Variants in CDH22 observed in about 807,000 individuals in gnomAD.
CDH22 encodes the protein cadherin-22.
In CDH22, 30 loss-of-function variants were observed where a neutral mutation model predicts 58.4. That is an observed-to-expected ratio of 0.51 (90% confidence interval 0.38 to 0.70). The LOEUF is 0.70. CDH22 is among the 30% of genes least tolerant of loss of function. The pLI is 0.00. For synonymous variants in CDH22, 513 were observed against 558.2 expected, an observed-to-expected ratio of 0.92 and a Z score of 1.14; for missense variants, 1,014 against 1,233.9, an observed-to-expected ratio of 0.82 and a Z score of 2.67.
At chr20:46,176,345 C>A in intron 11 of CDH22, among the ~76,000 whole-genome samples, 1 of 152,234 alleles carries the variant, frequency 6.6e-6, no homozygotes, top group Non-Finnish European at 1.5e-5. Flanking sequence ...AAGCGAATCT[C>A]AAACTTAACA....
chr20:46,237,945 G>C (rs541578053), intron 3 of CDH22, among the ~76,000 whole-genome samples: 1 of 152,186 alleles, frequency 6.6e-6, no homozygotes, highest in East Asian at 1.9e-4. Context: ...CTGCTCAATG[G>C]GGATGCTACC....
In CDH22 at chr20:46,307,775, C is replaced by T. The variant is rs904795100; in HGVS notation, c.-400+480G>A. ...GCGCCGTGCGGTATTTTCCCGGCCC[C>T]GGACCCCGCCTCTGGGAGGGGCCGG... is the stretch of plus-strand genomic sequence containing the variant. On this transcript the variant is annotated intron_variant, in intron 1 of 11. Transcript: ENST00000537909. Among the ~76,000 whole-genome samples the T allele has an allele frequency of 2.3e-4, 35 of 152,070 alleles. No homozygotes were observed. In the South Asian group the frequency reaches 3.1e-3, roughly 13 times the overall value.
At chr20:46,243,255 T>C (rs2054127627) in intron 2 of CDH22, among the ~76,000 whole-genome samples, 1 of 152,224 alleles carries the variant, frequency 6.6e-6, no homozygotes, top group Non-Finnish European at 1.5e-5. Flanking sequence ...GGTAGAACTT[T>C]GTGTCTGAAA....
intron 1 of CDH22, among the ~76,000 whole-genome samples, chr20:46,266,380 A>T (rs2145753220): frequency 6.6e-6 from 1 of 152,228 alleles, no homozygotes; most frequent in Middle Eastern, 3.4e-3. Flanking sequence ...TGCTCATTGA[A>T]GGTCTTGTGG....
chr20:46,282,030 C>T (rs1033182982), intron 1 of CDH22, among the ~76,000 whole-genome samples: 13 of 152,242 alleles, frequency 8.5e-5, no homozygotes, highest in African/African-American at 1.4e-4. Context: ...GATCTAAGGT[C>T]CACTATGACA....
In CDH22 at chr20:46,178,189, C is replaced by A. The variant is rs543706320; in HGVS notation, c.1672G>T (p.Ala558Ser). The A allele has an allele frequency of 6.2e-7, 1 of 1,611,678 alleles. No homozygotes were observed. The highest frequency in any genetic ancestry group is 1.3e-5 in the African/African-American group (1 of 74,946). ...FSLLDIQDNT[A>S]AVHTQHVGFN... ...CCCACGTGCTGCGTGTGCACTGCAG[C>A]GGTGTTGTCTGTTCCGGAAGAAGGG... The change falls in exon 11 of 12, where the codon GCT (alanine) becomes TCT (serine). Residue 558 changes from alanine to serine, a missense_variant. Ala to Ser is a moderately conservative substitution (Grantham distance 99). Coordinates refer to ENST00000537909, the MANE Select transcript of CDH22 (RefSeq NM_021248.3).
In CDH22 at chr20:46,187,673, TTAC is replaced by T. The variant is rs557396703; in HGVS notation, c.1424-729_1424-727del. ...ACAACCACAATCACCAGCCCACCTA[TTAC>T]TACTATTACCCCCATCATAATCACC... On this transcript the variant is annotated intron_variant, in intron 8 of 11. Transcript: ENST00000537909. Among the ~76,000 whole-genome samples the T allele has an allele frequency of 1.4e-4, 22 of 151,962 alleles. No homozygotes were observed. In the South Asian group the frequency reaches 4.4e-3, roughly 30 times the overall value.
intron 3 of CDH22, among the ~76,000 whole-genome samples, chr20:46,229,039 C>G (rs1291270444): frequency 6.6e-6 from 1 of 152,196 alleles, no homozygotes; most frequent in Admixed American, 6.5e-5. Context: ...CAATGCGCCT[C>G]TCTCTTTGGC....
At chr20:46,212,508 TAGACTC>T (rs2086050566) in intron 6 of CDH22, among the ~76,000 whole-genome samples, 1 of 152,220 alleles carries the variant, frequency 6.6e-6, no homozygotes, top group Non-Finnish European at 1.5e-5. Context: ...GGAAGGCTGT[TAGACTC>T]AGGAAGGAAA....
intron 1 of CDH22, among the ~76,000 whole-genome samples, chr20:46,284,713 C>T (rs2086568193): frequency 6.6e-6 from 1 of 152,132 alleles, no homozygotes; most frequent in African/African-American, 2.4e-5. Flanking sequence ...TGTAGATTCC[C>T]ATCTGAAACT....
At position 46,288,406 on chromosome 20, in the gene CDH22, G is replaced by A. The variant is rs143932458; in HGVS notation, c.-400+19849C>T. Among the ~76,000 whole-genome samples the A allele has an allele frequency of 4.3e-4, 66 of 152,114 alleles. No homozygotes were observed. The East Asian group carries it at 0.013, about 29-fold the overall frequency. The stretch of plus-strand genomic sequence containing the variant: ...CGAAGGCCCCAGAGGGTAGTCCCTG[G>A]GCCACTCCTCCTCAGATGACCACAT... On this transcript the variant is annotated intron_variant, in intron 1 of 11. Transcript: ENST00000537909.
chr20:46,174,457 G>T lies in CDH22; in HGVS notation c.*49C>A. 7.7e-7 allele frequency: 1 copy of T among 1,292,170 alleles called. No homozygotes were observed. The highest frequency in any genetic ancestry group is 1.0e-6 in the Non-Finnish European group (1 of 986,468). 80.0% of individuals were successfully genotyped at this position (1,292,170 alleles called of 1,614,324 possible). ...GGAAACGCGTTGTCCTGGGGCCCCG[G>T]CGTGTGCTGGGCGGGTGAGCAGCCG... On this transcript the variant is annotated 3_prime_UTR_variant, in exon 12 of 12. Coordinates refer to ENST00000537909, the MANE Select transcript of CDH22 (RefSeq NM_021248.3). This position sits in a 1 kb window ranked among gnomAD's most constrained non-coding sequence, Gnocchi z 4.4.
chr20:46,179,829 A>AC (rs1411770154), intron 10 of CDH22, among the ~76,000 whole-genome samples: 1 of 151,794 alleles, frequency 6.6e-6, no homozygotes, highest in Non-Finnish European at 1.5e-5. Flanking sequence ...ATTTTTTCAG[A>AC]CCCCGCCCCC....
At chr20:46,271,048 T>C (rs996754619) in intron 1 of CDH22, among the ~76,000 whole-genome samples, 2 of 152,230 alleles carry the variant, frequency 1.3e-5, no homozygotes, top group African/African-American at 4.8e-5. Flanking sequence ...GGTTTGATTA[T>C]TATTCCCCAC....
intron 4 of CDH22, among the ~76,000 whole-genome samples, chr20:46,222,480 C>T (rs1411684154): frequency 6.6e-6 from 1 of 152,238 alleles, no homozygotes; most frequent in Non-Finnish European, 1.5e-5. Context: ...TAGTTTCATT[C>T]CCTCCCTGTA....
At position 46,197,868 on chromosome 20, in the gene CDH22, G is replaced by A. The variant is rs1276765893; in HGVS notation, c.1423+1555C>T. On this transcript the variant is annotated intron_variant, in intron 8 of 11. Transcript: ENST00000537909. ...CCCAGAATGGGCCAGTGGGGCCTGG[G>A]AAATGGGGGGATGGCAGCTAGGGGA... Among the ~76,000 whole-genome samples the A allele has an allele frequency of 3.3e-5, 5 of 152,148 alleles. 1 individual carries two copies. In the East Asian group the frequency reaches 9.7e-4, roughly 29 times the overall value.
Position 46,245,128 on chromosome 20 carries a change from T to C in CDH22, c.256-3871A>G, listed in dbSNP as rs374717007. On this transcript the variant is annotated intron_variant, in intron 2 of 11. Coordinates refer to ENST00000537909, the MANE Select transcript of CDH22 (RefSeq NM_021248.3). ...ATAGATTAGTTCCCTCTCCTTTTCC[T>C]GTCCCAATCTCAGGAGGGGTCGAGG... 1.1e-4 allele frequency among the ~76,000 whole-genome samples: 16 copies of C among 152,318 alleles called. No individual in the cohort carries two copies. The East Asian group carries it at 1.5e-3, about 15-fold the overall frequency.
intron 3 of CDH22, among the ~76,000 whole-genome samples, chr20:46,232,300 TAC>T (rs2086225210): frequency 6.6e-6 from 1 of 152,164 alleles, no homozygotes; most frequent in African/African-American, 2.4e-5. Flanking sequence ...GCTCAGGGAT[TAC>T]AGACATACAT....
chr20:46,267,372 C>T (rs1014569669), intron 1 of CDH22, among the ~76,000 whole-genome samples: 1 of 152,218 alleles, frequency 6.6e-6, no homozygotes, highest in Non-Finnish European at 1.5e-5. Flanking sequence ...GTGAAGGGCT[C>T]ATTCCCACAC....
Sources: allele counts gnomAD v4.1 joint callset (sites outside exome capture counted in the v4.1 genomes callset), GRCh38; gene constraint gnomAD v4.1.1; non-coding constraint Gnocchi (gnomAD v3.1); transcripts MANE v1.5; gene names NCBI Gene and HGNC (gene_info 2026-07-23, HGNC 2026-07-21).